The following ZBTB20 variants were observed in gnomAD, a reference collection of about 807,000 sequenced individuals.
The protein encoded by ZBTB20 is zinc finger and BTB domain-containing protein 20.
Under a neutral mutation model 56.9 loss-of-function variants are expected in ZBTB20, and 9 were observed. That is an observed-to-expected ratio of 0.16 (90% CI 0.10 to 0.28). The LOEUF is 0.28. ZBTB20 is among the 10% of genes least tolerant of loss of function. ZBTB20 has a pLI of 1.00. For synonymous variants in ZBTB20, 417 were observed against 420.7 expected (o/e 0.99, Z 0.11); for missense variants, 655 against 1,003.0 (o/e 0.65, Z 4.69).
intron 6 of ZBTB20, chr3:114,599,239 T>C (rs1347675758): frequency 6.6e-6 from 1 of 152,098 alleles, no homozygotes; most frequent in Non-Finnish European, 1.5e-5. Context: ...ACAATTATTA[T>C]AGTATACATA....
intron 7 of ZBTB20, among the ~76,000 whole-genome samples, chr3:114,482,189 A>G (rs1201628394): frequency 6.6e-6 from 1 of 152,168 alleles, no homozygotes; most frequent in Non-Finnish European, 1.5e-5. Flanking sequence ...GAGCCTGAAG[A>G]CTTGAGGAGG....
chr3:115,009,459 C>T (rs2079608727), intron 2 of ZBTB20, among the ~76,000 whole-genome samples: 1 of 151,858 alleles, frequency 6.6e-6, no homozygotes, highest in African/African-American at 2.4e-5. Context: ...GAGAATAAAT[C>T]CAGTAAAATA....
Position 114,339,077 on chromosome 3 carries a change from G to C in ZBTB20, c.2154C>G (p.Ser718=), listed in dbSNP as rs753707274. ...ACTEGTTYVC[S]VCPAKFDQIE... ...TTTGGTCAAACTTTGCTGGGCAGAC[G>C]GAGCAGACGTAAGTGGTCCCCTCCG... The change falls in exon 12 of 12, where the codon TCC becomes TCG. Residue 718 remains serine, a synonymous_variant. Coordinates refer to ENST00000675478, the MANE Select transcript of ZBTB20 (RefSeq NM_001348800.3). This position sits in a 1 kb window ranked among gnomAD's most constrained non-coding sequence, Gnocchi z 4.2. 10 of 1,566,650 alleles carry C rather than the reference G, an allele frequency of 6.4e-6. No homozygotes were observed. The highest frequency in any genetic ancestry group is 7.8e-6 in the Non-Finnish European group (9 of 1,154,588).
intron 4 of ZBTB20, among the ~76,000 whole-genome samples, chr3:114,834,948 T>G (rs940200458): frequency 3.3e-5 from 5 of 152,166 alleles, no homozygotes; most frequent in African/African-American, 1.2e-4. Context: ...ATTTTCTCAT[T>G]CCATTCTTAA....
intron 5 of ZBTB20, among the ~76,000 whole-genome samples, chr3:114,713,388 C>T (rs2064229288): frequency 6.6e-6 from 1 of 152,062 alleles, no homozygotes; most frequent in African/African-American, 2.4e-5. Context: ...AAAATGCCGG[C>T]TTTTTACATA....
chr3:115,100,366 G>T (rs899516970), intron 1 of ZBTB20: 1 of 151,600 alleles, frequency 6.6e-6, no homozygotes, highest in African/African-American at 2.4e-5. Flanking sequence ...AGAGAGGAGG[G>T]AGGGGGGAAG....
intron 5 of ZBTB20, among the ~76,000 whole-genome samples, chr3:114,728,526 T>G (rs916285561): frequency 1.3e-5 from 2 of 152,228 alleles, no homozygotes; most frequent in Non-Finnish European, 2.9e-5. Flanking sequence ...AGAACTTGAA[T>G]GCAGATAATG....
At chr3:114,713,612 G>C (rs1010326795) in intron 5 of ZBTB20, among the ~76,000 whole-genome samples, 4 of 152,106 alleles carry the variant, frequency 2.6e-5, no homozygotes, top group Non-Finnish European at 4.4e-5. Context: ...ATAGCCATTG[G>C]AATCTGGATT....
chr3:114,341,056 C>A (rs1168047795), intron 11 of ZBTB20, among the ~76,000 whole-genome samples: 1 of 152,144 alleles, frequency 6.6e-6, no homozygotes, highest in Non-Finnish European at 1.5e-5. Flanking sequence ...ATTAAACTTT[C>A]TCTCATCAGG....
intron 2 of ZBTB20, among the ~76,000 whole-genome samples, chr3:115,011,809 C>T (rs2079726538): frequency 6.6e-6 from 1 of 151,570 alleles, no homozygotes; most frequent in Non-Finnish European, 1.5e-5. Context: ...CTCTTAAGTA[C>T]AAAGAGTAAA....
intron 1 of ZBTB20, among the ~76,000 whole-genome samples, chr3:115,084,408 A>G (rs878888554): frequency 6.6e-6 from 1 of 151,852 alleles, no homozygotes; most frequent in African/African-American, 2.4e-5. Flanking sequence ...CTGATTTTTA[A>G]TTAGTAAACA....
In ZBTB20 at chr3:114,731,791, GTGCC is replaced by G. The variant is rs1269985717; in HGVS notation, c.-342-38220_-342-38217del. On this transcript the variant is annotated intron_variant, in intron 5 of 11. Transcript: ENST00000675478. The stretch of plus-strand genomic sequence containing the variant: ...ACCTAGATTAGTAACTAATCCGGCT[GTGCC>G]TAGATTAGTAACTAATCCGGCTGTG... 4.3e-4 allele frequency among the ~76,000 whole-genome samples: 64 copies of G among 147,774 alleles called. 1 individual carries two copies. Among genetic ancestry groups the G allele is most frequent in the African/African-American group, 1.3e-3 (51 of 38,648 alleles).
chr3:115,146,398 A>G (rs995635048), intron 1 of ZBTB20, among the ~76,000 whole-genome samples: 5 of 152,028 alleles, frequency 3.3e-5, no homozygotes, highest in African/African-American at 9.7e-5. Flanking sequence ...GGAGGACCCA[A>G]AAGCCACACA....
At chr3:114,589,782 T>G (rs2055554761) in intron 6 of ZBTB20, among the ~76,000 whole-genome samples, 1 of 152,192 alleles carries the variant, frequency 6.6e-6, no homozygotes, top group African/African-American at 2.4e-5. Context: ...GCAGCTTCAG[T>G]TCCTAGAAAA....
At chr3:115,011,580 A>G (rs981609951) in intron 2 of ZBTB20, among the ~76,000 whole-genome samples, 5 of 151,942 alleles carry the variant, frequency 3.3e-5, no homozygotes, top group South Asian at 2.1e-4. Flanking sequence ...AACATGAAGG[A>G]GAAATGAAGA....
chr3:114,737,739 G>A (rs367721047), intron 5 of ZBTB20, among the ~76,000 whole-genome samples: 8 of 152,162 alleles, frequency 5.3e-5, no homozygotes, highest in Admixed American at 3.9e-4. Context: ...CCTTAGGAAG[G>A]CTGTTTTAGG....
chr3:114,790,442 C>A (rs748276136), intron 5 of ZBTB20, among the ~76,000 whole-genome samples: 4 of 152,024 alleles, frequency 2.6e-5, no homozygotes, highest in South Asian at 4.2e-4. Flanking sequence ...ATACTCATTA[C>A]CCTGAAAATT....
At chr3:115,018,247 T>C (rs2080057752) in intron 2 of ZBTB20, among the ~76,000 whole-genome samples, 2 of 151,378 alleles carry the variant, frequency 1.3e-5, no homozygotes, top group African/African-American at 4.8e-5. Flanking sequence ...GGGTTAATCA[T>C]GCTTTGCCAT....
At chr3:114,986,267 T>G (rs1455117486) in intron 2 of ZBTB20, among the ~76,000 whole-genome samples, 4 of 152,078 alleles carry the variant, frequency 2.6e-5, no homozygotes, top group African/African-American at 9.7e-5. Context: ...TGGCATTACA[T>G]TTTGGCCTTC....
Sources: allele counts gnomAD v4.1 joint callset (sites outside exome capture counted in the v4.1 genomes callset), GRCh38; gene constraint gnomAD v4.1.1; non-coding constraint Gnocchi (gnomAD v3.1); transcripts MANE v1.5; gene names NCBI Gene and HGNC (gene_info 2026-07-23, HGNC 2026-07-21).